MIB1: variants seen among roughly 807,000 people sequenced by gnomAD.
MIB1 encodes the protein MIB E3 ubiquitin protein ligase 1.
Under a neutral mutation model 124.5 loss-of-function variants are expected in MIB1, and 278 were observed. The observed-to-expected ratio is 2.23, with a 90% CI of 2.02 to 2.47. MIB1 has a LOEUF of 2.47. Ranked by LOEUF, MIB1 falls within the 30% of genes most tolerant of loss-of-function variation. The pLI is 0.00. For missense variants in MIB1, 957 were observed against 1,254.4 expected, an observed-to-expected ratio of 0.76 and a Z score of 3.58; for synonymous variants, 446 against 429.4, an observed-to-expected ratio of 1.04 and a Z score of -0.48.
chr18:21,849,472 C>A, intron 17 of MIB1, 84 bp downstream of exon 17: 1 of 737,954 alleles, frequency 1.4e-6, no homozygotes, highest in Non-Finnish European at 2.0e-6. Flanking sequence ...TGACATCATG[C>A]GTCTGTGTAA....
intron 6 of MIB1, among the ~76,000 whole-genome samples, chr18:21,780,326 AT>A (rs35274815): frequency 4.6e-5 from 7 of 151,860 alleles, no homozygotes; most frequent in African/African-American, 1.5e-4. Flanking sequence ...CAAACATTAG[AT>A]TTTTTTCCCC....
rs1180759015 is a variant in MIB1 at position 21,864,538 on chromosome 18, GT to G, written c.2894del (p.Val965GlyfsTer3). 1 of 1,612,522 alleles carries G rather than the reference GT, an allele frequency of 6.2e-7. No homozygotes were observed. On this transcript the variant is annotated frameshift_variant, in exon 21 of 21. Coordinates refer to ENST00000261537, the MANE Select transcript of MIB1 (RefSeq NM_020774.4). LOFTEE classifies it high-confidence loss of function. The stretch of plus-strand genomic sequence containing the variant: ...TCTCACATTACAGACAATGTGCCCT[GT>G]GTGTCTAGATCGTCTGAAGAATATG... ...QDIKEQTMCPVCLDRLKNMIF... is the reference protein window; with the variant it reads ...QDIKEQTMCPXCLDRLKNMIF...
At chr18:21,832,100 G>A (rs2041989732) in intron 12 of MIB1, among the ~76,000 whole-genome samples, 1 of 152,120 alleles carries the variant, frequency 6.6e-6, no homozygotes, top group African/African-American at 2.4e-5. Context: ...GAAGAAAGTA[G>A]TATGTAAATG....
intron 1 of MIB1, among the ~76,000 whole-genome samples, chr18:21,754,106 C>T (rs2146391018): frequency 6.6e-6 from 1 of 152,358 alleles, no homozygotes; most frequent in East Asian, 1.9e-4. Context: ...CCTGTTGGCT[C>T]TGCCAGTAGG....
In MIB1 at chr18:21,815,644, A is replaced by G. The variant is rs766436911; in HGVS notation, c.1508A>G (p.His503Arg). 1.2e-6 allele frequency: 2 copies of G among 1,614,182 alleles called. No homozygotes were observed. The highest frequency in any genetic ancestry group is 1.1e-5 in the South Asian group (1 of 91,086). ...AAAGATGGTGATAGAGCAGTTCACCATGCAGCTTTTGGAGATGAAGGCGCT... is the reference window on the plus strand; with the variant it reads ...AAAGATGGTGATAGAGCAGTTCACCGTGCAGCTTTTGGAGATGAAGGCGCT... ...EDKDGDRAVH[H>R]AAFGDEGAVI... is the part of the protein sequence containing the mutation. Residue 503 changes from histidine (H) to arginine (R), a missense_variant, in exon 11 of 21, where the codon CAT becomes CGT. Physicochemically the swap from His to Arg is conservative, Grantham distance 29. Coordinates refer to ENST00000261537, the MANE Select transcript of MIB1 (RefSeq NM_020774.4).
In MIB1 at chr18:21,779,527, CCT is replaced by C; in HGVS notation, c.751_752del (p.Leu251GlyfsTer22). ...ATCCTGGTGGATTGCAGATTGGTGA[CCT>C]GGTAAATATAGATCTCGACCTCGAA... Reference protein sequence around the residue: ...RNPGGLQIGDLVNIDLDLEIV... With the variant: ...RNPGGLQIGDXVNIDLDLEIV... On this transcript the variant is annotated frameshift_variant, in exon 6 of 21. Transcript: ENST00000261537. LOFTEE classifies it high-confidence loss of function. 1 of 1,613,980 alleles carries C rather than the reference CCT, an allele frequency of 6.2e-7. No homozygotes were observed. Among genetic ancestry groups the C allele is most frequent in the Non-Finnish European group, 8.5e-7 (1 of 1,179,988 alleles).
At chr18:21,753,487 T>C (rs1189370229) in intron 1 of MIB1, among the ~76,000 whole-genome samples, 1 of 152,050 alleles carries the variant, frequency 6.6e-6, no homozygotes, top group East Asian at 1.9e-4. Flanking sequence ...ATGCCCAGCC[T>C]GAAAATATTT....
Position 21,781,391 on chromosome 18 carries a change from ATATATATATATATATATATATAT to A in MIB1, c.908+1707_908+1729del, listed in dbSNP as rs1568199024. 5.7e-5 allele frequency among the ~76,000 whole-genome samples: 4 copies of A among 69,968 alleles called. 1 individual carries two copies. The East Asian group carries it at 2.3e-3, about 39-fold the overall frequency. 45.9% of individuals were successfully genotyped at this position (69,968 alleles called of 152,430 possible). On this transcript the variant is annotated intron_variant, in intron 6 of 20. Transcript: ENST00000261537. ...TATATATATATATATATATATATAT[ATATATATATATATATATATATAT>A]AAAATTATTATTATTATTTTTTGAG...
chr18:21,854,846 G>T, intron 18 of MIB1: 1 of 209,054 alleles, frequency 4.8e-6, no homozygotes. Context: ...AAGTCTGCCT[G>T]GGCACACGCC....
chr18:21,750,452 T>C (rs1392377939), intron 1 of MIB1, among the ~76,000 whole-genome samples: 1 of 152,188 alleles, frequency 6.6e-6, no homozygotes, highest in Non-Finnish European at 1.5e-5. Flanking sequence ...CTCAGCCTCC[T>C]GAGTAGCTGG....
At chr18:21,831,036 G>C (rs2041974800) in intron 12 of MIB1, 2 of 150,028 alleles carry the variant, frequency 1.3e-5, no homozygotes, top group Non-Finnish European at 3.0e-5. Flanking sequence ...AATGAACCTA[G>C]CTTGTCAGAT....
chr18:21,812,708 G>C (rs2041788198), intron 10 of MIB1, among the ~76,000 whole-genome samples: 3 of 152,158 alleles, frequency 2.0e-5, no homozygotes, highest in Non-Finnish European at 4.4e-5. Flanking sequence ...AGAGAGAATA[G>C]GGCAGGGGGA....
At chr18:21,845,774 C>G (rs1273243540) in intron 15 of MIB1, among the ~76,000 whole-genome samples, 1 of 152,088 alleles carries the variant, frequency 6.6e-6, no homozygotes, top group Non-Finnish European at 1.5e-5. Flanking sequence ...CAGGTGCACA[C>G]CACCACACCT....
intron 1 of MIB1, among the ~76,000 whole-genome samples, chr18:21,734,042 T>C (rs2146365932): frequency 6.6e-6 from 1 of 152,262 alleles, no homozygotes; most frequent in Middle Eastern, 3.4e-3. Context: ...CATCATCGAT[T>C]TCACCATTCT....
chr18:21,771,213 A>C (rs531665809), intron 3 of MIB1, among the ~76,000 whole-genome samples: 60 of 152,318 alleles, frequency 3.9e-4, no homozygotes, highest in African/African-American at 1.3e-3. Context: ...TATGCCCTCC[A>C]CTTTGTTTCC....
chr18:21,742,398 A>T (rs553250246), intron 1 of MIB1, among the ~76,000 whole-genome samples: 1 of 152,008 alleles, frequency 6.6e-6, no homozygotes, highest in Admixed American at 6.6e-5. Context: ...TCTTTATATC[A>T]ATAGAGAGAA....
intron 7 of MIB1, among the ~76,000 whole-genome samples, chr18:21,793,491 A>G (rs1371953990): frequency 6.6e-6 from 1 of 152,164 alleles, no homozygotes; most frequent in Admixed American, 6.6e-5. Context: ...AGATAGTGAA[A>G]GTATATCAGG....
chr18:21,837,954 G>A (rs887593784), intron 12 of MIB1, among the ~76,000 whole-genome samples: 4 of 152,130 alleles, frequency 2.6e-5, no homozygotes, highest in Non-Finnish European at 4.4e-5. Context: ...TGTTGATACT[G>A]AACCTGAGAG....
chr18:21,838,540 T>C, intron 13 of MIB1, 43 bp downstream of exon 13: 1 of 1,502,576 alleles, frequency 6.7e-7, no homozygotes, highest in Non-Finnish European at 9.0e-7. Flanking sequence ...TATTTTTTTT[T>C]AAACAATTTG....
Sources: allele counts gnomAD v4.1 joint callset (sites outside exome capture counted in the v4.1 genomes callset), GRCh38; gene constraint gnomAD v4.1.1; transcripts MANE v1.5; gene names NCBI Gene and HGNC (gene_info 2026-07-23, HGNC 2026-07-21).